Variants in MTDH observed in about 807,000 individuals in gnomAD.
The protein encoded by MTDH is protein LYRIC.
MTDH carries 34 observed loss-of-function variants against 72.7 expected under a neutral mutation model. That is an observed-to-expected ratio of 0.47 (90% CI 0.36 to 0.62). The LOEUF (loss-of-function observed/expected upper bound fraction) is 0.62. MTDH is among the 20% of genes least tolerant of loss of function. MTDH has a pLI of 0.00. For synonymous variants in MTDH, 266 were observed against 268.9 expected, an observed-to-expected ratio of 0.99 and a Z score of 0.10; for missense variants, 677 against 699.4, an observed-to-expected ratio of 0.97 and a Z score of 0.36.
chr8:97,696,347 G>T (rs932785106), intron 6 of MTDH: 1 of 868,736 alleles, frequency 1.2e-6, no homozygotes, highest in Non-Finnish European at 1.4e-6. Context: ...TTTAATTTTA[G>T]TGCTTGTTAT....
chr8:97,688,972 A>C lies in MTDH; in HGVS notation c.746-66A>C, dbSNP rs1813476180. 4.3e-6 allele frequency: 3 copies of C among 700,932 alleles called. No individual in the cohort carries two copies. The African/African-American group carries it at 5.5e-5, about 13-fold the overall frequency. The allele number at this position is 700,932 out of a possible 1,614,324, so 43.4% of individuals were successfully genotyped here. A position where few individuals can be genotyped will look rare whatever the true frequency, so the allele number is the denominator to read the frequency against. ...ATAATTAAAAATTAATTTATGTGTT[A>C]CTCCTAATTTAATGTGCATAGTGCC... On this transcript the variant is annotated intron_variant, in intron 4 of 11. Coordinates refer to ENST00000336273, the MANE Select transcript of MTDH (RefSeq NM_178812.4).
intron 5 of MTDH, among the ~76,000 whole-genome samples, chr8:97,689,363 A>G (rs1813492111): frequency 6.6e-6 from 1 of 152,062 alleles, no homozygotes; most frequent in African/African-American, 2.4e-5. Context: ...CTTATATTGC[A>G]ACTTTGAACC....
At chr8:97,716,548 C>T (rs938342116) in intron 9 of MTDH, among the ~76,000 whole-genome samples, 16 of 151,932 alleles carry the variant, frequency 1.1e-4, no homozygotes, top group African/African-American at 3.6e-4. Context: ...ATTAGCCGCA[C>T]GTGGTAGCTG....
intron 6 of MTDH, among the ~76,000 whole-genome samples, chr8:97,695,944 G>A (rs187964728): frequency 2.4e-4 from 37 of 152,314 alleles, no homozygotes; most frequent in Admixed American, 6.5e-4. Context: ...AGCTGCATTC[G>A]TGGCTCAGCT....
intron 9 of MTDH, among the ~76,000 whole-genome samples, chr8:97,716,980 C>T (rs1438098296): frequency 6.6e-6 from 1 of 152,132 alleles, no homozygotes; most frequent in Non-Finnish European, 1.5e-5. Context: ...GCACCAAACC[C>T]AAAGTCCTTT....
chr8:97,675,425 G>T (rs1300992435), intron 2 of MTDH, among the ~76,000 whole-genome samples: 2 of 152,022 alleles, frequency 1.3e-5, no homozygotes, highest in African/African-American at 2.4e-5. Flanking sequence ...GTTGGGTGTG[G>T]TGCCATGCAC....
intron 10 of MTDH, among the ~76,000 whole-genome samples, chr8:97,719,802 C>T (rs574124927): frequency 4.6e-5 from 7 of 152,194 alleles, no homozygotes; most frequent in South Asian, 2.1e-4. Flanking sequence ...TTTCATTTTC[C>T]CCCAATATAT....
rs907605601 is a variant in MTDH, at chr8:97,728,045, G to A, written c.*3375G>A. 1 of 152,116 alleles carries A rather than the reference G, an allele frequency of 6.6e-6. No individual in the cohort carries two copies. The highest frequency in any genetic ancestry group is 6.6e-5 in the Admixed American group (1 of 15,254). 9.4% of individuals were successfully genotyped at this position (152,116 alleles called of 1,614,324 possible). Reference sequence around the variant, plus strand: ...AAGATACTGGAGGGCAATATTTACAGAGTTTAGTTTTTCTTAATTAAAAAC... The same window carrying A: ...AAGATACTGGAGGGCAATATTTACAAAGTTTAGTTTTTCTTAATTAAAAAC... On this transcript the variant is annotated 3_prime_UTR_variant, in exon 12 of 12. Transcript: ENST00000336273.
chr8:97,652,779 A>G (rs887537242), intron 1 of MTDH, among the ~76,000 whole-genome samples: 4 of 152,112 alleles, frequency 2.6e-5, no homozygotes, highest in African/African-American at 9.7e-5. Context: ...AAGTTATATC[A>G]CTTGCCACCT....
chr8:97,714,243 C>A (rs147976709), intron 9 of MTDH, among the ~76,000 whole-genome samples: 1 of 152,138 alleles, frequency 6.6e-6, no homozygotes, highest in Non-Finnish European at 1.5e-5. Context: ...ATCACTCATA[C>A]ATTTCCTTTT....
At position 97,686,609 on chromosome 8, in the gene MTDH, G is replaced by T; in HGVS notation, c.484-59G>T. 5 of 1,014,724 alleles carry T rather than the reference G, an allele frequency of 4.9e-6. No homozygotes were observed. In the South Asian group the frequency reaches 5.7e-5, roughly 12 times the overall value. The allele number at this position is 1,014,724 out of a possible 1,614,324, so 62.9% of individuals were successfully genotyped here. ...CATACATTTCATTATGTATTTTACT[G>T]ACTCCTACTTATTCAAAAACATAAC... On this transcript the variant is annotated intron_variant, in intron 2 of 11. Transcript: ENST00000336273.
At chr8:97,720,792 T>C (rs1815091052) in intron 10 of MTDH, among the ~76,000 whole-genome samples, 2 of 151,676 alleles carry the variant, frequency 1.3e-5, no homozygotes, top group Admixed American at 1.3e-4. Context: ...TAGCTGGGAT[T>C]ACAGGTGCAC....
intron 4 of MTDH, among the ~76,000 whole-genome samples, chr8:97,687,879 G>C (rs1813429872): frequency 6.6e-6 from 1 of 152,160 alleles, no homozygotes; most frequent in African/African-American, 2.4e-5. Context: ...CTTTTCTAGT[G>C]CGTATCACTT....
intron 1 of MTDH, among the ~76,000 whole-genome samples, chr8:97,649,052 C>T (rs1256992790): frequency 6.6e-6 from 1 of 152,140 alleles, no homozygotes; most frequent in Non-Finnish European, 1.5e-5. Context: ...TGTTTAGATA[C>T]ACAAACACTT....
At chr8:97,688,918 G>A (rs946699330) in intron 4 of MTDH, 120 bp from the exon 5 acceptor site, 11 of 409,922 alleles carry the variant, frequency 2.7e-5, no homozygotes, top group African/African-American at 2.3e-4. Context: ...GAAGAATTTA[G>A]CACTTGAAGG....
At chr8:97,715,407 G>A (rs1814824610) in intron 9 of MTDH, among the ~76,000 whole-genome samples, 1 of 152,226 alleles carries the variant, frequency 6.6e-6, no homozygotes, top group South Asian at 2.1e-4. Context: ...GGGATTACAG[G>A]TGTGAGCCAC....
At position 97,644,876 on chromosome 8, in the gene MTDH, G is replaced by A; in HGVS notation, c.370G>A (p.Glu124Lys). 6.4e-7 allele frequency: 1 copy of A among 1,559,740 alleles called. No individual in the cohort carries two copies. The highest frequency in any genetic ancestry group is 8.6e-7 in the Non-Finnish European group (1 of 1,163,066). ...GAAGAAGAACCGGAAGAAACTGTCC[G>A]AGAAGCCCAAAGTGAGTATGGGATG... ...QKKKNRKKLSEKPKPNGRTVE... is the reference protein window; with the variant it reads ...QKKKNRKKLSKKPKPNGRTVE... The change falls in exon 1 of 12, where the codon GAG (glutamate) becomes AAG (lysine). Residue 124 changes from glutamate to lysine, a missense_variant. Coordinates refer to ENST00000336273, the MANE Select transcript of MTDH (RefSeq NM_178812.4).
intron 2 of MTDH, among the ~76,000 whole-genome samples, chr8:97,670,888 C>G (rs1334906434): frequency 1.3e-5 from 2 of 151,104 alleles, no homozygotes; most frequent in Non-Finnish European, 2.9e-5. Context: ...CCCCGAGTAA[C>G]TGGGATTACA....
At chr8:97,670,507 C>T (rs1169739003) in intron 2 of MTDH, among the ~76,000 whole-genome samples, 2 of 152,006 alleles carry the variant, frequency 1.3e-5, no homozygotes, top group South Asian at 4.2e-4. Flanking sequence ...CCGTATAATC[C>T]CAGCCACTTG....
Sources: gnomAD v4.1 joint callset for allele counts (sites outside exome capture counted in the v4.1 genomes callset) on GRCh38, gnomAD v4.1.1 for gene constraint, MANE v1.5 for transcripts, NCBI Gene and HGNC (gene_info 2026-07-23, HGNC 2026-07-21) for gene names.